The following ZNF625 variants were observed in gnomAD, a reference collection of about 807,000 sequenced individuals.
ZNF625 encodes the protein zinc finger protein 625.
Under a neutral mutation model 11.1 loss-of-function variants are expected in ZNF625, and 8 were observed. The ratio of observed to expected loss-of-function variants is 0.72; its 90% confidence interval spans 0.42 to 1.30. The LOEUF is 1.30. ZNF625 is among the 50% of genes most tolerant of loss of function. The pLI, the probability that ZNF625 is intolerant of heterozygous loss-of-function variation, is 0.01. For synonymous variants in ZNF625, 145 were observed against 153.4 expected (o/e 0.95, Z 0.41); for missense variants, 349 against 447.6 (o/e 0.78, Z 1.99).
intron 1 of ZNF625, among the ~76,000 whole-genome samples, chr19:12,148,300 G>C (rs376493112): frequency 6.6e-6 from 1 of 151,896 alleles, no homozygotes; most frequent in South Asian, 2.1e-4. Flanking sequence ...CAATCTGACT[G>C]ATAAGAGTCA....
chr19:12,149,204 G>T (rs536360840), intron 1 of ZNF625, among the ~76,000 whole-genome samples: 3 of 145,874 alleles, frequency 2.1e-5, no homozygotes, highest in African/African-American at 7.8e-5. Flanking sequence ...AGAATCACTT[G>T]AACAAGGGAG....
chr19:12,155,201 G>A (rs1390110741), intron 1 of ZNF625, among the ~76,000 whole-genome samples: 1 of 150,230 alleles, frequency 6.7e-6, no homozygotes, highest in East Asian at 1.9e-4. Context: ...ACTCCAGCCT[G>A]GGCGAGAGTG....
chr19:12,146,154 G>C lies in ZNF625; in HGVS notation c.262C>G (p.Pro88Ala). 6.2e-7 allele frequency: 1 copy of C among 1,614,158 alleles called. No individual in the cohort carries two copies. Among genetic ancestry groups the C allele is most frequent in the Non-Finnish European group, 8.5e-7 (1 of 1,180,028 alleles). The change falls in exon 4 of 4, where the codon CCA becomes GCA. Residue 88 changes from proline (P) to alanine (A), a missense_variant. Pro to Ala is a conservative substitution (Grantham distance 27). Transcript: ENST00000439556. ...GTTTTCTTCTTCAGCATGTCATCTG[G>C]AACCTGGGTCAAAATTTCTCCATGC... ...HQHGEILTQV[P>A]DDMLKKKTPR...
chr19:12,150,039 C>A (rs1290321068), intron 1 of ZNF625, among the ~76,000 whole-genome samples: 1 of 152,048 alleles, frequency 6.6e-6, no homozygotes, highest in African/African-American at 2.4e-5. Flanking sequence ...ACGCCCGGCC[C>A]GACCTAAGTA....
At chr19:12,146,310 A>T in intron 3 of ZNF625, 86 bp from the exon 4 acceptor site, 2 of 1,276,994 alleles carry the variant, frequency 1.6e-6, no homozygotes, top group African/African-American at 1.5e-5. Flanking sequence ...TGTATTTCTA[A>T]CACTGTACAG....
intron 1 of ZNF625, 120 bp from the exon 2 acceptor site, chr19:12,147,922 G>A: frequency 8.0e-7 from 1 of 1,249,632 alleles, no homozygotes; most frequent in Non-Finnish European, 1.1e-6. Flanking sequence ...CCATGATCTG[G>A]TCATCAGACT....
In ZNF625 at chr19:12,145,886, C is replaced by G. The variant is rs1408659995; in HGVS notation, c.530G>C (p.Ser177Thr). 1.2e-6 allele frequency: 2 copies of G among 1,614,000 alleles called. No homozygotes were observed. Among genetic ancestry groups the G allele is most frequent in the African/African-American group, 1.3e-5 (1 of 74,918 alleles). ...GTGCATTATCCTGTGTCTTCGAATG[C>G]TTGAACGGGAAATAAAGCTTTTTCC... ...ECGKSFISRS[S>T]IRRHRIMHSG... Residue 177 changes from serine to threonine, a missense_variant, in exon 4 of 4, where the codon AGC becomes ACC. By Grantham distance (58) the Ser-to-Thr change is moderately conservative (BLOSUM62 1). Coordinates refer to ENST00000439556, the MANE Select transcript of ZNF625 (RefSeq NM_145233.4).
chr19:12,156,297 C>T (rs1394432932), intron 1 of ZNF625, among the ~76,000 whole-genome samples: 1 of 152,178 alleles, frequency 6.6e-6, no homozygotes, highest in Non-Finnish European at 1.5e-5. Flanking sequence ...GCGCGGAGCT[C>T]CCCAGAGAGG....
chr19:12,152,262 A>C (rs1161971626), intron 1 of ZNF625, among the ~76,000 whole-genome samples: 1 of 151,922 alleles, frequency 6.6e-6, no homozygotes, highest in Non-Finnish European at 1.5e-5. Context: ...ATACACACAC[A>C]CTATATCCTG....
chr19:12,152,464 A>G (rs1976968970), intron 1 of ZNF625, among the ~76,000 whole-genome samples: 1 of 152,152 alleles, frequency 6.6e-6, no homozygotes, highest in Non-Finnish European at 1.5e-5. Context: ...ATACACCATA[A>G]TAGTATAGGA....
chr19:12,155,041 C>T (rs1352720904), intron 1 of ZNF625, among the ~76,000 whole-genome samples: 1 of 152,038 alleles, frequency 6.6e-6, no homozygotes, highest in Admixed American at 6.6e-5. Flanking sequence ...GCTTGGCCAA[C>T]ATGGTGAAAC....
chr19:12,152,322 T>C (rs766488644), intron 1 of ZNF625, among the ~76,000 whole-genome samples: 24 of 152,198 alleles, frequency 1.6e-4, no homozygotes, highest in Admixed American at 3.3e-4. Flanking sequence ...AATATCTCCT[T>C]TAAATTTCAA....
At chr19:12,146,733 A>G (rs934609991) in intron 3 of ZNF625, among the ~76,000 whole-genome samples, 1 of 152,142 alleles carries the variant, frequency 6.6e-6, no homozygotes, top group African/African-American at 2.4e-5. Flanking sequence ...CGCCCGGCCA[A>G]CACTATTTTC....
In ZNF625 at chr19:12,145,850, C is replaced by T. The variant is rs1224919039; in HGVS notation, c.566G>A (p.Gly189Glu). The T allele has an allele frequency of 1.2e-6, 2 of 1,614,190 alleles. No homozygotes were observed. Among genetic ancestry groups the T allele is most frequent in the Non-Finnish European group, 1.7e-6 (2 of 1,180,042 alleles). The change falls in exon 4 of 4, where the codon GGA (glycine) becomes GAA (glutamate). Residue 189 changes from glycine to glutamate, a missense_variant. Coordinates refer to ENST00000439556, the MANE Select transcript of ZNF625 (RefSeq NM_145233.4). ...RRHRIMHSGD[G>E]PYKCNFCGKA... is the part of the protein sequence containing the mutation. ...CCCACAAAAGTTACATTTGTAGGGT[C>T]CATCTCCACTGTGCATTATCCTGTG...
At chr19:12,151,876 A>G (rs1307128901) in intron 1 of ZNF625, among the ~76,000 whole-genome samples, 1 of 152,188 alleles carries the variant, frequency 6.6e-6, no homozygotes, top group African/African-American at 2.4e-5. Context: ...AATGTAGTCA[A>G]AATTACATAC....
rs542817785 is a variant in ZNF625 at position 12,151,614 on chromosome 19, C to T, written c.4-3812G>A. Among the ~76,000 whole-genome samples, 12 of 152,038 alleles carry T rather than the reference C, an allele frequency of 7.9e-5. No homozygotes were observed. In the South Asian group the frequency reaches 2.1e-3, roughly 26 times the overall value. ...CAAGATGGTCTCGGTCTCCTGACCTCGTGATCCGCCCGCCTCGGCCGCCCA... is the reference window on the plus strand; with the variant it reads ...CAAGATGGTCTCGGTCTCCTGACCTTGTGATCCGCCCGCCTCGGCCGCCCA... On this transcript the variant is annotated intron_variant, in intron 1 of 3. Coordinates refer to ENST00000439556, the MANE Select transcript of ZNF625 (RefSeq NM_145233.4).
At position 12,145,679 on chromosome 19, in the gene ZNF625, G is replaced by A; in HGVS notation, c.737C>T (p.Pro246Leu). The A allele has an allele frequency of 6.2e-7, 1 of 1,614,136 alleles. No individual in the cohort carries two copies. The highest frequency in any genetic ancestry group is 8.5e-7 in the Non-Finnish European group (1 of 1,180,032). The change falls in exon 4 of 4, where the codon CCT becomes CTT. Residue 246 changes from proline (P) to leucine (L), a missense_variant. Transcript: ENST00000439556. ...IHERTHTGEK[P>L]YECSECGKAF... Reference sequence around the variant, plus strand: ...TTTCCCACACTCACTGCATTCATAAGGCTTCTCTCCAGTGTGAGTTCTTTC... The same window carrying A: ...TTTCCCACACTCACTGCATTCATAAAGCTTCTCTCCAGTGTGAGTTCTTTC...
intron 1 of ZNF625, among the ~76,000 whole-genome samples, chr19:12,155,877 G>C (rs183891048): frequency 1.3e-5 from 2 of 152,044 alleles, no homozygotes; most frequent in East Asian, 3.9e-4. Context: ...TTTGAGACAG[G>C]GTCTCGCTCA....
intron 1 of ZNF625, among the ~76,000 whole-genome samples, chr19:12,153,613 G>T (rs1236743994): frequency 6.6e-6 from 1 of 150,540 alleles, no homozygotes; most frequent in South Asian, 2.1e-4. Context: ...GAACCTGGGA[G>T]GGGGAGGTCG....
Sources: allele counts gnomAD v4.1 joint callset (sites outside exome capture counted in the v4.1 genomes callset), GRCh38; gene constraint gnomAD v4.1.1; transcripts MANE v1.5; gene names NCBI Gene and HGNC (gene_info 2026-07-23, HGNC 2026-07-21).